HYCC1: variants seen among roughly 807,000 people sequenced by gnomAD.
HYCC1 encodes the protein hyccin PI4KA lipid kinase complex subunit 1, also known as hyccin.
At chr7:22,973,457 CAT>C in the HYCC1 span, among the ~76,000 whole-genome samples, 1 of 152,110 alleles carries the variant, frequency 6.6e-6, no homozygotes, top group African/African-American at 2.4e-5. Context: ...AACTTAAAGA[CAT>C]AAACAACTAA....
At chr7:22,938,171 T>C in the HYCC1 span, 1 of 152,108 alleles carries the variant, frequency 6.6e-6, no homozygotes, top group East Asian at 1.9e-4. Flanking sequence ...CAATCCCTAT[T>C]TTTTTGTTGT....
chr7:22,982,829 G>A, the HYCC1 span, among the ~76,000 whole-genome samples: 2 of 145,826 alleles, frequency 1.4e-5, no homozygotes, highest in South Asian at 4.4e-4. Flanking sequence ...CCATGGTTAT[G>A]TCCTAAACCT....
chr7:22,923,877 C>G, the HYCC1 span, among the ~76,000 whole-genome samples: 1 of 151,182 alleles, frequency 6.6e-6, no homozygotes, highest in South Asian at 2.1e-4. Flanking sequence ...AAATAGAAGG[C>G]TGGGTATGGT....
At chr7:22,926,068 T>C in the HYCC1 span, among the ~76,000 whole-genome samples, 1 of 152,180 alleles carries the variant, frequency 6.6e-6, no homozygotes, top group Admixed American at 6.5e-5. Context: ...CAGAATTTCA[T>C]ATCCAGCCAA....
At chr7:22,929,162 C>T in the HYCC1 span, among the ~76,000 whole-genome samples, 1 of 152,176 alleles carries the variant, frequency 6.6e-6, no homozygotes, top group Admixed American at 6.5e-5. Flanking sequence ...AACTGGACCC[C>T]TTCCTTACAC....
At chr7:22,957,912 A>G in the HYCC1 span, among the ~76,000 whole-genome samples, 1 of 152,012 alleles carries the variant, frequency 6.6e-6, no homozygotes, top group East Asian at 1.9e-4. Flanking sequence ...AAAGAAATGT[A>G]TAAACAAATT....
chr7:22,957,380 C>T, the HYCC1 span, among the ~76,000 whole-genome samples: 1 of 149,852 alleles, frequency 6.7e-6, no homozygotes, highest in African/African-American at 2.4e-5. Context: ...TTTCCCTCTT[C>T]TACCCAGAAA....
At chr7:22,952,001 A>C in the HYCC1 span, among the ~76,000 whole-genome samples, 1 of 152,110 alleles carries the variant, frequency 6.6e-6, no homozygotes, top group South Asian at 2.1e-4. Flanking sequence ...GAAAAGAAAG[A>C]ACAACTTGCT....
the HYCC1 span, among the ~76,000 whole-genome samples, chr7:22,899,062 G>A: frequency 6.6e-6 from 1 of 152,200 alleles, no homozygotes; most frequent in African/African-American, 2.4e-5. Context: ...ACCTTAGAGA[G>A]GCAGCGTGGT....
chr7:22,920,580 A>T, the HYCC1 span, among the ~76,000 whole-genome samples: 712 of 152,328 alleles, frequency 4.7e-3, 6 homozygotes, highest in African/African-American at 0.016. Context: ...ACTGAAAAAA[A>T]ATCATTGCTC....
the HYCC1 span, among the ~76,000 whole-genome samples, chr7:22,986,663 T>C: frequency 2.6e-5 from 4 of 152,154 alleles, no homozygotes; most frequent in African/African-American, 7.2e-5. Flanking sequence ...CTGGCCAACA[T>C]GGTGAAACCC....
chr7:22,997,309 C>T, the HYCC1 span, among the ~76,000 whole-genome samples: 1 of 152,090 alleles, frequency 6.6e-6, no homozygotes, highest in Non-Finnish European at 1.5e-5. Context: ...TTTACATCAT[C>T]CCCTTCACCA....
chr7:23,012,502 T>C, the HYCC1 span, among the ~76,000 whole-genome samples: 7 of 152,282 alleles, frequency 4.6e-5, no homozygotes, highest in East Asian at 9.6e-4. Context: ...AGAATTTGTT[T>C]CCTAAATATG....
chr7:22,899,305 A>G, the HYCC1 span, among the ~76,000 whole-genome samples: 17 of 152,176 alleles, frequency 1.1e-4, no homozygotes, highest in East Asian at 3.3e-3. Flanking sequence ...ACGTGGCCCA[A>G]CTCCAAGGAA....
chr7:22,961,349 G>A, the HYCC1 span: 2 of 1,252,818 alleles, frequency 1.6e-6, 1 homozygote, highest in East Asian at 4.7e-5. Flanking sequence ...ATTAAATGAA[G>A]AAATTATAAT....
the HYCC1 span, among the ~76,000 whole-genome samples, chr7:22,926,828 C>A: frequency 6.6e-6 from 1 of 151,524 alleles, no homozygotes; most frequent in African/African-American, 2.4e-5. Context: ...CTGCACCAAG[C>A]AGACCTAATA....
chr7:23,001,179 T>C, the HYCC1 span, among the ~76,000 whole-genome samples: 1 of 152,208 alleles, frequency 6.6e-6, no homozygotes, highest in Non-Finnish European at 1.5e-5. Flanking sequence ...CAAGCACTTA[T>C]GTTTCTGGCA....
At chr7:23,000,558 C>A in the HYCC1 span, among the ~76,000 whole-genome samples, 1 of 152,098 alleles carries the variant, frequency 6.6e-6, no homozygotes, top group African/African-American at 2.4e-5. Flanking sequence ...CCTAATATAT[C>A]ATGGACATTT....
the HYCC1 span, chr7:22,940,453 TG>T: frequency 6.6e-6 from 1 of 152,026 alleles, no homozygotes; most frequent in Non-Finnish European, 1.5e-5. Flanking sequence ...GGTTTCGCCA[TG>T]TTGGTCAGGC....
Sources: gnomAD v4.1 joint callset for allele counts (sites outside exome capture counted in the v4.1 genomes callset) on GRCh38, gnomAD v4.1.1 for gene constraint, MANE v1.5 for transcripts, NCBI Gene and HGNC (gene_info 2026-07-23, HGNC 2026-07-21) for gene names.